The following SAMD3 variants were observed in gnomAD, a reference collection of about 807,000 sequenced individuals.
The protein encoded by SAMD3 is sterile alpha motif domain-containing protein 3.
A neutral mutation model predicts 58.5 loss-of-function variants in SAMD3; 63 were observed. That is an observed-to-expected ratio of 1.08 (90% confidence interval 0.88 to 1.33). SAMD3 has a LOEUF of 1.33. Ranked by LOEUF, SAMD3 falls within the 40% of genes most tolerant of loss-of-function variation. The probability of loss-of-function intolerance (pLI) is 0.00; values close to 1 mark genes in which losing one functional copy is unlikely to be tolerated. For missense variants in SAMD3, 604 were observed against 608.4 expected (o/e 0.99, Z 0.08); for synonymous variants, 220 against 210.3 (o/e 1.05, Z -0.40).
intron 2 of SAMD3, among the ~76,000 whole-genome samples, chr6:130,249,359 G>A (rs563361263): frequency 5.7e-4 from 87 of 151,986 alleles, no homozygotes; most frequent in Middle Eastern, 3.4e-3. Context: ...TACATCCAAA[G>A]CCTCATTTCT....
chr6:130,221,961 T>A (rs1796243534), intron 1 of SAMD3, among the ~76,000 whole-genome samples: 1 of 152,230 alleles, frequency 6.6e-6, no homozygotes, highest in African/African-American at 2.4e-5. Flanking sequence ...TTTATTCCAT[T>A]GGAAAAGGTG....
At chr6:130,177,816 C>T (rs1275546042) in intron 7 of SAMD3, among the ~76,000 whole-genome samples, 1 of 152,134 alleles carries the variant, frequency 6.6e-6, no homozygotes, top group African/African-American at 2.4e-5. Flanking sequence ...AAGCCCAGCA[C>T]GGTGCTTCAT....
Position 130,146,120 on chromosome 6 carries a change from A to G in SAMD3, c.1085T>C (p.Leu362Ser), listed in dbSNP as rs141367827. 3 of 1,602,660 alleles carry G rather than the reference A, an allele frequency of 1.9e-6. No individual in the cohort carries two copies. The African/African-American group carries it at 4.0e-5, about 21-fold the overall frequency. ...TDIYKKTRHI[L>S]ESYSENILTS... Reference sequence around the variant, plus strand: ...CAGTATATTTTCTGAATAGGATTCCAAAATGTGCCTTGTTTTCTTATAAAT... The same window carrying G: ...CAGTATATTTTCTGAATAGGATTCCGAAATGTGCCTTGTTTTCTTATAAAT... The change falls in exon 10 of 12, where the codon TTG (leucine) becomes TCG (serine). Residue 362 changes from leucine to serine, a missense_variant. Leu to Ser is a moderately radical substitution (Grantham distance 145). Coordinates refer to ENST00000439090, the MANE Select transcript of SAMD3 (RefSeq NM_001017373.4).
At chr6:130,186,111 GTAGCTCTTAACCCATTTA>G (rs1472621038) in intron 5 of SAMD3, among the ~76,000 whole-genome samples, 5 of 152,034 alleles carry the variant, frequency 3.3e-5, no homozygotes, top group African/African-American at 4.8e-5. Flanking sequence ...AAGGCACTAG[GTAGCTCTTAACCCATTTA>G]TAAATAGGAT....
intron 8 of SAMD3, among the ~76,000 whole-genome samples, chr6:130,169,236 CCA>C (rs759333967): frequency 9.2e-5 from 14 of 151,694 alleles, no homozygotes; most frequent in East Asian, 1.9e-4. Context: ...TGGAACCCCC[CCA>C]CACACACACA....
At chr6:130,176,166 C>A (rs1791706010) in intron 7 of SAMD3, 158 bp from the exon 8 acceptor site, 1 of 699,520 alleles carries the variant, frequency 1.4e-6, no homozygotes, top group Non-Finnish European at 2.6e-6. Flanking sequence ...TTCCTTTTAT[C>A]CTCACAGCAA....
At chr6:130,177,004 G>A (rs553312139) in intron 7 of SAMD3, among the ~76,000 whole-genome samples, 2 of 152,310 alleles carry the variant, frequency 1.3e-5, no homozygotes, top group South Asian at 2.1e-4. Flanking sequence ...TCTTAAATCT[G>A]TCTCTGTGGA....
chr6:130,325,456 G>A (rs527994936), intron 1 of SAMD3, among the ~76,000 whole-genome samples: 4 of 152,108 alleles, frequency 2.6e-5, no homozygotes, highest in Non-Finnish European at 5.9e-5. Flanking sequence ...TATTGTTCAG[G>A]CTCTCGACAG....
At chr6:130,172,850 T>C (rs34578509) in intron 8 of SAMD3, among the ~76,000 whole-genome samples, 12,796 of 152,238 alleles carry the variant, frequency 0.084, 797 homozygotes, top group African/African-American at 0.17. Context: ...ACCTATCAAT[T>C]GTATGTTTGT....
At chr6:130,283,410 G>A (rs1442609770) in intron 2 of SAMD3, among the ~76,000 whole-genome samples, 1 of 152,098 alleles carries the variant, frequency 6.6e-6, no homozygotes, top group African/African-American at 2.4e-5. Context: ...TATAAGTCAT[G>A]AGCAGGCTAA....
At chr6:130,350,636 G>A (rs991176228) in intron 1 of SAMD3, among the ~76,000 whole-genome samples, 1 of 152,158 alleles carries the variant, frequency 6.6e-6, no homozygotes, top group Non-Finnish European at 1.5e-5. Context: ...TCGTGAAAAT[G>A]GCCATACTGC....
intron 4 of SAMD3, among the ~76,000 whole-genome samples, chr6:130,212,125 C>G (rs983035711): frequency 2.6e-5 from 4 of 151,760 alleles, no homozygotes; most frequent in African/African-American, 7.3e-5. Context: ...CTTTTTTAAA[C>G]ACTCTCTAAG....
chr6:130,266,288 C>A (rs552643386), intron 2 of SAMD3, among the ~76,000 whole-genome samples: 1 of 152,094 alleles, frequency 6.6e-6, no homozygotes, highest in Non-Finnish European at 1.5e-5. Flanking sequence ...GTAGCCCAGT[C>A]TCTCAATGTC....
intron 2 of SAMD3, among the ~76,000 whole-genome samples, chr6:130,287,363 C>A (rs958122347): frequency 6.6e-6 from 1 of 152,118 alleles, no homozygotes; most frequent in Non-Finnish European, 1.5e-5. Context: ...AGCATTCTTG[C>A]ATTTAGTAGA....
intron 1 of SAMD3, among the ~76,000 whole-genome samples, chr6:130,329,834 A>T (rs1157705451): frequency 7.1e-6 from 1 of 140,148 alleles, no homozygotes; most frequent in Non-Finnish European, 1.5e-5. Context: ...CAAACACTGC[A>T]TGTTCTCACT....
At chr6:130,347,434 A>G (rs1777491072) in intron 1 of SAMD3, among the ~76,000 whole-genome samples, 1 of 152,248 alleles carries the variant, frequency 6.6e-6, no homozygotes. Flanking sequence ...ATGAATGCAC[A>G]AGCCTCAGTA....
At chr6:130,198,406 G>T (rs553802483) in intron 5 of SAMD3, among the ~76,000 whole-genome samples, 4 of 152,110 alleles carry the variant, frequency 2.6e-5, no homozygotes, top group Non-Finnish European at 4.4e-5. Context: ...ATGAGGTCTT[G>T]CTATGTTGCC....
intron 1 of SAMD3, among the ~76,000 whole-genome samples, chr6:130,220,379 C>T (rs866524618): frequency 8.5e-5 from 13 of 152,176 alleles, no homozygotes; most frequent in Middle Eastern, 3.2e-3. Context: ...TAGCAATGAG[C>T]CAGAGTCCCA....
At chr6:130,179,453 G>A (rs544364618) in intron 7 of SAMD3, among the ~76,000 whole-genome samples, 144 of 152,236 alleles carry the variant, frequency 9.5e-4, no homozygotes, top group Non-Finnish European at 1.6e-3. Context: ...CAGACCTCCT[G>A]TTGTGACATA....
Sources: gnomAD v4.1 joint callset for allele counts (sites outside exome capture counted in the v4.1 genomes callset) on GRCh38, gnomAD v4.1.1 for gene constraint, MANE v1.5 for transcripts, NCBI Gene and HGNC (gene_info 2026-07-23, HGNC 2026-07-21) for gene names.